RBFOX1: variants seen among roughly 807,000 people sequenced by gnomAD.
The protein encoded by RBFOX1 is RNA binding protein fox-1 homolog 1.
In RBFOX1, 8 loss-of-function variants were observed where a neutral mutation model predicts 57.7. The observed-to-expected ratio is 0.14, with a 90% CI of 0.08 to 0.25. RBFOX1 has a LOEUF of 0.25. Ranked by LOEUF, RBFOX1 falls within the 10% of genes least tolerant of loss-of-function variation. RBFOX1 has a pLI of 1.00. For synonymous variants in RBFOX1, 326 were observed against 222.4 expected (o/e 1.47, Z -4.15); for missense variants, 611 against 548.5 (o/e 1.11, Z -1.14).
At chr16:6,475,986 A>C (rs1178603055) in intron 2 of RBFOX1, among the ~76,000 whole-genome samples, 1 of 152,172 alleles carries the variant, frequency 6.6e-6, no homozygotes, top group Admixed American at 6.5e-5. Context: ...GTTTTCCAGA[A>C]ATGTTAGGTG....
At chr16:6,672,965 C>A (rs1417088715) in intron 3 of RBFOX1, among the ~76,000 whole-genome samples, 1 of 152,088 alleles carries the variant, frequency 6.6e-6, no homozygotes, top group Admixed American at 6.6e-5. Context: ...CTGAATTGTA[C>A]CCCAGTCCCT....
At chr16:7,404,193 C>T (rs4786162) in intron 4 of RBFOX1, among the ~76,000 whole-genome samples, 117,694 of 151,744 alleles carry the variant, frequency 0.78, 46,098 homozygotes, top group Non-Finnish European at 0.83. Context: ...GCTGTGATTA[C>T]ACGTGTGAGA....
At position 7,144,366 on chromosome 16, in the gene RBFOX1, C is replaced by G. The variant is rs191953618; in HGVS notation, c.27+92268C>G. On this transcript the variant is annotated intron_variant, in intron 4 of 15. Coordinates refer to ENST00000550418, the MANE Select transcript of RBFOX1 (RefSeq NM_018723.4). ...TCTGGTACCCATCCTTGGACACTATCCATGGCCACCCAGGTTAAAACTTCT... is the reference window on the plus strand; with the variant it reads ...TCTGGTACCCATCCTTGGACACTATGCATGGCCACCCAGGTTAAAACTTCT... Among the ~76,000 whole-genome samples, 11 of 151,778 alleles carry G rather than the reference C, an allele frequency of 7.2e-5. No homozygotes were observed. The East Asian group carries it at 2.1e-3, about 29-fold the overall frequency.
At chr16:5,698,993 T>A (rs2050937751) in intron 3 of RBFOX1, among the ~76,000 whole-genome samples, 1 of 149,890 alleles carries the variant, frequency 6.7e-6, no homozygotes, top group Non-Finnish European at 1.5e-5. Context: ...ATTTTTTTTT[T>A]TTTTTTTTTT....
At chr16:6,199,904 C>T (rs1248588669) in intron 1 of RBFOX1, among the ~76,000 whole-genome samples, 1 of 152,148 alleles carries the variant, frequency 6.6e-6, no homozygotes, top group Non-Finnish European at 1.5e-5. Context: ...TAAGTTATGT[C>T]CTGGACTGTG....
At chr16:5,726,826 C>T (rs1231371608) in intron 3 of RBFOX1, among the ~76,000 whole-genome samples, 2 of 152,168 alleles carry the variant, frequency 1.3e-5, no homozygotes, top group African/African-American at 4.8e-5. Context: ...TGAATCTTCT[C>T]CTGTCAGCTT....
intron 1 of RBFOX1, among the ~76,000 whole-genome samples, chr16:5,444,288 C>T (rs78058356): frequency 6.6e-6 from 1 of 152,292 alleles, no homozygotes; most frequent in South Asian, 2.1e-4. Context: ...CTGATGACCT[C>T]ATTGCAACAT....
chr16:7,502,239 A>C (rs1385132286), intron 4 of RBFOX1, among the ~76,000 whole-genome samples: 2 of 152,204 alleles, frequency 1.3e-5, no homozygotes, highest in Admixed American at 1.3e-4. Flanking sequence ...AAGCCAACCG[A>C]TATCTATCAT....
chr16:7,051,278 G>C (rs1180319638), intron 3 of RBFOX1, among the ~76,000 whole-genome samples: 1 of 152,070 alleles, frequency 6.6e-6, no homozygotes, highest in African/African-American at 2.4e-5. Context: ...CTTTTTATTT[G>C]TGTCCTTAGC....
intron 1 of RBFOX1, among the ~76,000 whole-genome samples, chr16:5,313,462 A>C (rs2064145714): frequency 6.6e-6 from 1 of 152,210 alleles, no homozygotes; most frequent in South Asian, 2.1e-4. Context: ...GATCATCTAC[A>C]TATGACCTCC....
In RBFOX1 at chr16:6,625,352, T is replaced by C. The variant is rs138274576; in HGVS notation, c.-63-29251T>C. 3.8e-4 allele frequency among the ~76,000 whole-genome samples: 58 copies of C among 152,196 alleles called. No individual in the cohort carries two copies. In the East Asian group the frequency reaches 0.011, roughly 28 times the overall value. On this transcript the variant is annotated intron_variant, in intron 2 of 15. Transcript: ENST00000550418. ...GCTAATTTCTTCATTCCTGTAACTC[T>C]GGGTTTGAGACAACAACAATTTGAG...
rs117058167 is a variant in RBFOX1, at chr16:5,493,712, A to G, written c.258+26458A>G. Among the ~76,000 whole-genome samples, 27 of 152,330 alleles carry G rather than the reference A, an allele frequency of 1.8e-4. No homozygotes were observed. In the East Asian group the frequency reaches 5.2e-3, roughly 29 times the overall value. On this transcript the variant is annotated intron_variant, in intron 2 of 2. Coordinates refer to the RBFOX1 transcript ENST00000585867. ...CCATGCCGAGTGTTGACACAGCAAT[A>G]TGCTTGCTTGCTCTGCTCATTAAAG... is the stretch of plus-strand genomic sequence containing the variant.
chr16:7,142,778 C>G (rs981503511), intron 4 of RBFOX1, among the ~76,000 whole-genome samples: 2 of 152,188 alleles, frequency 1.3e-5, no homozygotes, highest in Non-Finnish European at 2.9e-5. Flanking sequence ...ATGCCTTACA[C>G]CGTTCTGAAC....
chr16:6,970,310 C>G (rs1381199086), intron 3 of RBFOX1, among the ~76,000 whole-genome samples: 1 of 152,112 alleles, frequency 6.6e-6, no homozygotes, highest in African/African-American at 2.4e-5. Context: ...TAGACTATTT[C>G]TGTCCTTTCA....
At chr16:7,043,044 CCCACAATCTCCCTGACTTTATCCT>C (rs1195093515) in intron 3 of RBFOX1, among the ~76,000 whole-genome samples, 2,527 of 146,132 alleles carry the variant, frequency 0.017, 80 homozygotes, top group African/African-American at 0.062. Flanking sequence ...TCCTCCACCC[CCCACAATCTCCCTGACTTTATCCT>C]GCTTTTGACT....
chr16:6,392,322 A>G (rs1437527322), intron 2 of RBFOX1, among the ~76,000 whole-genome samples: 1 of 152,234 alleles, frequency 6.6e-6, no homozygotes, highest in African/African-American at 2.4e-5. Context: ...AAGAATATTT[A>G]CACGGTTTTT....
chr16:7,444,615 C>T (rs530308441), intron 4 of RBFOX1, among the ~76,000 whole-genome samples: 3 of 152,188 alleles, frequency 2.0e-5, no homozygotes, highest in East Asian at 3.9e-4. Context: ...TCACTGCAGC[C>T]TCAACCTCCC....
At chr16:7,574,739 C>T (rs2093157898) in intron 5 of RBFOX1, among the ~76,000 whole-genome samples, 1 of 152,160 alleles carries the variant, frequency 6.6e-6, no homozygotes, top group African/African-American at 2.4e-5. Context: ...CTAACAGACA[C>T]ACCCAGGACC....
At chr16:6,026,952 T>C (rs1484132851) in intron 1 of RBFOX1, among the ~76,000 whole-genome samples, 6 of 152,250 alleles carry the variant, frequency 3.9e-5, no homozygotes, top group Non-Finnish European at 7.3e-5. Context: ...CTAATCACCG[T>C]CATCTGAATC....
Sources: allele counts gnomAD v4.1 joint callset (sites outside exome capture counted in the v4.1 genomes callset), GRCh38; gene constraint gnomAD v4.1.1; transcripts MANE v1.5; gene names NCBI Gene and HGNC (gene_info 2026-07-23, HGNC 2026-07-21).